The following EPHB4 variants were observed in gnomAD, a reference collection of about 807,000 sequenced individuals.
EPHB4 encodes EPH receptor B4, also known as ephrin type-B receptor 4.
In EPHB4, 50 loss-of-function variants were observed where a neutral mutation model predicts 110.6. The ratio of observed to expected loss-of-function variants is 0.45; its 90% CI spans 0.36 to 0.57. EPHB4 has a LOEUF of 0.57. Among genes scored for constraint, EPHB4 ranks in the 20% least tolerant of loss-of-function variants. The pLI is 0.00. For synonymous variants in EPHB4, 592 were observed against 578.4 expected (o/e 1.02, Z -0.34); for missense variants, 1,128 against 1,382.1 (o/e 0.82, Z 2.91).
At chr7:100,804,583 G>A (rs1412326270) in intron 16 of EPHB4, among the ~76,000 whole-genome samples, 1 of 152,082 alleles carries the variant, frequency 6.6e-6, no homozygotes, top group Non-Finnish European at 1.5e-5. Flanking sequence ...CCAAAGTGCT[G>A]GCATTACAGG....
In EPHB4 at chr7:100,823,668, G is replaced by A. The variant is rs777956073; in HGVS notation, c.387C>T (p.Ala129=). ...DADTATALTP[A]WMENPYIKVD... is the part of the protein sequence containing the mutation. ...CCTTGATGTAGGGGTTCTCCATCCA[G>A]GCTGGCGTGAGGGCCGTGGCCGTGT... is the stretch of plus-strand genomic sequence containing the variant. The change falls in exon 3 of 17, where the codon GCC becomes GCT. Residue 129 remains alanine (A), a synonymous_variant. Transcript: ENST00000358173. 6.2e-7 allele frequency: 1 copy of A among 1,613,148 alleles called. No individual in the cohort carries two copies. Among genetic ancestry groups the A allele is most frequent in the South Asian group, 1.1e-5 (1 of 91,074 alleles).
intron 5 of EPHB4, 116 bp from the exon 6 acceptor site, chr7:100,820,005 A>G (rs1813179742): frequency 3.4e-6 from 5 of 1,476,008 alleles, no homozygotes; most frequent in Non-Finnish European, 3.6e-6. Flanking sequence ...TGGGCTCCAC[A>G]TGTTCCTCCG....
intron 7 of EPHB4, among the ~76,000 whole-genome samples, 174 bp downstream of exon 7, chr7:100,818,346 T>C (rs1562971351): frequency 6.6e-6 from 1 of 152,140 alleles, no homozygotes; most frequent in Non-Finnish European, 1.5e-5. Context: ...AGTAACTATT[T>C]TATAGATGAA....
chr7:100,827,138 T>A lies in EPHB4; in HGVS notation c.-108A>T. 8.0e-7 allele frequency: 1 copy of A among 1,247,906 alleles called. No individual in the cohort carries two copies. The highest frequency in any genetic ancestry group is 1.1e-6 in the Non-Finnish European group (1 of 910,520). 77.3% of individuals were successfully genotyped at this position (1,247,906 alleles called of 1,614,324 possible). A position where few individuals can be genotyped will look rare whatever the true frequency, so the allele number is the denominator to read the frequency against. On this transcript the variant is annotated 5_prime_UTR_variant, in exon 1 of 17. Coordinates refer to ENST00000358173, the MANE Select transcript of EPHB4 (RefSeq NM_004444.5). ...ACGCCGATACTCCGCGCGGGACTCC[T>A]CGTCGGGGCCCTCAGCGCGGGCCCA...
At chr7:100,826,654 T>C (rs573764728) in intron 1 of EPHB4, among the ~76,000 whole-genome samples, 38 of 151,900 alleles carry the variant, frequency 2.5e-4, no homozygotes, top group African/African-American at 8.0e-4. Flanking sequence ...ACTTTGCAGA[T>C]AGTTTTGAAT....
At chr7:100,810,733 G>A (rs1165549639) in intron 12 of EPHB4, among the ~76,000 whole-genome samples, 3 of 151,986 alleles carry the variant, frequency 2.0e-5, no homozygotes, top group South Asian at 2.1e-4. Context: ...GAAAGGGCAA[G>A]ACCTTGTTTC....
At chr7:100,813,488 GTATTTTTTA>G (rs937877211) in intron 10 of EPHB4, 155 bp downstream of exon 10, 1 of 768,766 alleles carries the variant, frequency 1.3e-6, no homozygotes, top group African/African-American at 1.7e-5. Context: ...GCTGACTGAT[GTATTTTTTA>G]TAGAGATGGA....
intron 16 of EPHB4, 151 bp downstream of exon 16, chr7:100,805,015 C>A (rs1812785027): frequency 1.8e-6 from 2 of 1,108,582 alleles, no homozygotes; most frequent in Non-Finnish European, 2.5e-6. Flanking sequence ...TGTGACTGCT[C>A]CTCTGGGGCC....
chr7:100,822,360 C>T lies in EPHB4; in HGVS notation c.719G>A (p.Arg240His). 2.5e-6 allele frequency: 4 copies of T among 1,571,910 alleles called. No individual in the cohort carries two copies. The highest frequency in any genetic ancestry group is 2.6e-6 in the Non-Finnish European group (3 of 1,157,804). Residue 240 changes from arginine (R) to histidine (H), a missense_variant, in exon 4 of 17, where the codon CGT (arginine) becomes CAT (histidine). Physicochemically the swap from Arg to His is conservative, Grantham distance 29. Transcript: ENST00000358173. This position sits in a 1 kb window ranked among gnomAD's most constrained non-coding sequence, Gnocchi z 4.7. ...CTGTTCGGCCCACTGGCCATCCTCA[C>T]GGCAGTAGAGGCTGGGGCTGGGGCC... is the stretch of plus-strand genomic sequence containing the variant. Reference protein sequence around the residue: ...APGPSPSLYCREDGQWAEQPV... With the variant: ...APGPSPSLYCHEDGQWAEQPV...
chr7:100,819,388 G>C (rs1813161706), intron 6 of EPHB4, among the ~76,000 whole-genome samples, 169 bp downstream of exon 6: 1 of 152,164 alleles, frequency 6.6e-6, no homozygotes, highest in Non-Finnish European at 1.5e-5. Flanking sequence ...GGGATTACAG[G>C]CGTGAGCCAC....
chr7:100,803,318 C>G lies in EPHB4; in HGVS notation c.*143G>C, dbSNP rs1447556992. The G allele has an allele frequency of 9.5e-7, 1 of 1,055,840 alleles. No homozygotes were observed. Among genetic ancestry groups the G allele is most frequent in the Non-Finnish European group, 1.3e-6 (1 of 790,302 alleles). The allele number at this position is 1,055,840 out of a possible 1,614,324, so 65.4% of individuals were successfully genotyped here. On this transcript the variant is annotated 3_prime_UTR_variant, in exon 17 of 17. Coordinates refer to ENST00000358173, the MANE Select transcript of EPHB4 (RefSeq NM_004444.5). ...TCCTATTATGGCAGAACCCCCAAAT[C>G]CTGTCTCTCCAAATTGCCAACTCCT...
Position 100,805,324 on chromosome 7 carries a change from A to C in EPHB4, c.2679-3T>G. On this transcript the variant is annotated splice_region_variant and splice_polypyrimidine_tract_variant and intron_variant, in intron 15 of 16. Coordinates refer to ENST00000358173, the MANE Select transcript of EPHB4 (RefSeq NM_004444.5). ...GGTCCAGGAGAGGGTGTGAGGCCCT[A>C]GGGGGCAAGGATGGGGAGGAATGCT... is the stretch of plus-strand genomic sequence containing the variant. 6.2e-7 allele frequency: 1 copy of C among 1,613,782 alleles called. No individual in the cohort carries two copies.
rs1223426412 is a variant in EPHB4 at position 100,820,368 on chromosome 7, T to C, written c.809-72A>G. Reference sequence around the variant, plus strand: ...TCTGCACGGTGGGCTCGGTGGCTCATGCCTCGAATCCCAGCACTTTGGGAG... The same window carrying C: ...TCTGCACGGTGGGCTCGGTGGCTCACGCCTCGAATCCCAGCACTTTGGGAG... On this transcript the variant is annotated intron_variant, in intron 4 of 16. Coordinates refer to ENST00000358173, the MANE Select transcript of EPHB4 (RefSeq NM_004444.5). 5 of 1,522,606 alleles carry C rather than the reference T, an allele frequency of 3.3e-6. No individual in the cohort carries two copies. The African/African-American group carries it at 6.9e-5, about 21-fold the overall frequency. The allele number at this position is 1,522,606 out of a possible 1,614,324, so 94.3% of individuals were successfully genotyped here.
At chr7:100,816,858 C>A (rs1469041650) in intron 8 of EPHB4, among the ~76,000 whole-genome samples, 1 of 151,748 alleles carries the variant, frequency 6.6e-6, no homozygotes, top group African/African-American at 2.4e-5. Flanking sequence ...CCGAGGCGGG[C>A]GAATCACAAG....
intron 16 of EPHB4, 42 bp downstream of exon 16, chr7:100,805,124 C>A (rs765513316): frequency 5.6e-6 from 9 of 1,593,236 alleles, no homozygotes; most frequent in Non-Finnish European, 6.8e-6. Context: ...ACTCCAGCTG[C>A]CCCGCTCTCC....
intron 3 of EPHB4, among the ~76,000 whole-genome samples, chr7:100,823,110 A>T (rs914456155): frequency 6.6e-6 from 1 of 152,076 alleles, no homozygotes; most frequent in Non-Finnish European, 1.5e-5. Context: ...AACGTAGAAG[A>T]CCCCGCTTTA....
chr7:100,818,671 C>G, intron 6 of EPHB4, 27 bp from the exon 7 acceptor site: 1 of 1,600,182 alleles, frequency 6.2e-7, no homozygotes, highest in Non-Finnish European at 8.5e-7. Flanking sequence ...CACAGGGAAC[C>G]CTTGTGCATG....
rs758697441 is a variant in EPHB4, at chr7:100,822,585, C to T, written c.494G>A (p.Arg165His). Reference protein sequence around the residue: ...ATGKVNVKTLRLGPLSKAGFY... With the variant: ...ATGKVNVKTLHLGPLSKAGFY... ...GCCAGCCTTGCTGAGCGGTCCCAGA[C>T]GCAGCGTCTTGACATTCACCTTCCC... Residue 165 changes from arginine (R) to histidine (H), a missense_variant, in exon 4 of 17, where the codon CGT becomes CAT. Arg to His is a conservative substitution (Grantham distance 29, BLOSUM62 0). This residue lies in a region of EPHB4 where 728 missense variants were observed against 828.6 expected (regional missense o/e 0.88). Coordinates refer to ENST00000358173, the MANE Select transcript of EPHB4 (RefSeq NM_004444.5). The surrounding 1 kb of genome is among the most constrained non-coding windows in gnomAD (Gnocchi z 4.7). The T allele has an allele frequency of 4.1e-5, 66 of 1,612,154 alleles. No homozygotes were observed. The highest frequency in any genetic ancestry group is 4.9e-5 in the Non-Finnish European group (58 of 1,179,374).
chr7:100,818,292 G>A (rs1319150741), intron 7 of EPHB4, among the ~76,000 whole-genome samples: 2 of 152,138 alleles, frequency 1.3e-5, no homozygotes, highest in Non-Finnish European at 2.9e-5. Context: ...GTGAGCCACC[G>A]CACCCAACCT....
Sources: allele counts gnomAD v4.1 joint callset (sites outside exome capture counted in the v4.1 genomes callset), GRCh38; gene constraint gnomAD v4.1.1; regional missense constraint gnomAD v4.1.1; non-coding constraint Gnocchi (gnomAD v3.1); transcripts MANE v1.5; gene names NCBI Gene and HGNC (gene_info 2026-07-23, HGNC 2026-07-21).